The following SRRM2 variants were observed in gnomAD, a reference collection of about 807,000 sequenced individuals.
SRRM2 encodes serine/arginine repetitive matrix protein 2.
A neutral mutation model predicts 213.8 loss-of-function variants in SRRM2; 30 were observed. The observed-to-expected ratio is 0.14, with a 90% CI of 0.10 to 0.19. The LOEUF is 0.19. SRRM2 is among the 10% of genes least tolerant of loss of function. SRRM2 has a pLI of 1.00. For synonymous variants in SRRM2, 2,025 were observed against 1,377.7 expected (o/e 1.47, Z -10.40); for missense variants, 4,904 against 3,647.0 (o/e 1.34, Z -8.88).
At position 2,755,409 on chromosome 16, in the gene SRRM2, C is replaced by T. The variant is rs577908426; in HGVS notation, c.-31-925C>T. Among the ~76,000 whole-genome samples the T allele has an allele frequency of 1.0e-3, 153 of 152,126 alleles. 1 individual carries two copies. Among genetic ancestry groups the T allele is most frequent in the Non-Finnish European group, 4.1e-4 (28 of 68,010 alleles). The stretch of plus-strand genomic sequence containing the variant: ...TGAAAGTGGGGTGTAGAGAGGGTTT[C>T]TACATAGATTTAGGGCAAGGTATAT... On this transcript the variant is annotated intron_variant, in intron 1 of 14. Transcript: ENST00000301740.
chr16:2,760,519 A>G lies in SRRM2; in HGVS notation c.1032+20A>G, dbSNP rs775995067. 3.1e-6 allele frequency: 5 copies of G among 1,613,446 alleles called. No individual in the cohort carries two copies. The highest frequency in any genetic ancestry group is 2.7e-5 in the African/African-American group (2 of 74,918). On this transcript the variant is annotated intron_variant, in intron 10 of 14. Transcript: ENST00000301740. ...AAGGAGGTATGTTCCTGAGTTGGTG[A>G]TGTTCATTGGATTGCAAATGTATAG... is the stretch of plus-strand genomic sequence containing the variant.
At chr16:2,770,516 T>G (rs549489357) in intron 13 of SRRM2, 51 bp downstream of exon 13, 9 of 1,568,682 alleles carry the variant, frequency 5.7e-6, no homozygotes, top group East Asian at 2.4e-5. Flanking sequence ...CGCCACTGCT[T>G]TCTACAAAGA....
rs755430985 is a variant in SRRM2 at position 2,766,743 on chromosome 16, C to T, written c.6215C>T (p.Pro2072Leu). 3 of 1,614,246 alleles carry T rather than the reference C, an allele frequency of 1.9e-6. No individual in the cohort carries two copies. The highest frequency in any genetic ancestry group is 1.1e-5 in the South Asian group (1 of 91,082). Residue 2072 changes from proline (P) to leucine (L), a missense_variant, in exon 11 of 15, where the codon CCT becomes CTT. By Grantham distance (98) the Pro-to-Leu change is moderately conservative. Transcript: ENST00000301740. The surrounding 1 kb of genome is among the most constrained non-coding windows in gnomAD (Gnocchi z 7.0). ...GGTAAACGGTCCTTAACAAGATCTC[C>T]TCCAGCCATCCGCAGGCGTTCTGCA... ...ARGKRSLTRS[P>L]PAIRRRSASG...
chr16:2,763,081 G>A lies in SRRM2; in HGVS notation c.2553G>A (p.Arg851=). 6.2e-7 allele frequency: 1 copy of A among 1,614,084 alleles called. No homozygotes were observed. Among genetic ancestry groups the A allele is most frequent in the Non-Finnish European group, 8.5e-7 (1 of 1,180,018 alleles). The change falls in exon 11 of 15, where the codon AGG becomes AGA. Residue 851 remains arginine, a synonymous_variant. Transcript: ENST00000301740. Reference sequence around the variant, plus strand: ...AAGTGAAATCTGGAACACCACCGAGGCAAGGGTCCATAACAAGTCCCCAGG... The same window carrying A: ...AAGTGAAATCTGGAACACCACCGAGACAAGGGTCCATAACAAGTCCCCAGG... ...HPKVKSGTPP[R]QGSITSPQAN...
rs372984748 is a variant in SRRM2, at chr16:2,762,048, G to A, written c.1520G>A (p.Arg507Gln). The A allele has an allele frequency of 7.4e-6, 12 of 1,614,096 alleles. No individual in the cohort carries two copies. The African/African-American group carries it at 9.3e-5, about 13-fold the overall frequency. Reference protein sequence around the residue: ...SRTPTKRGHSRSRSPQWRRSR... With the variant: ...SRTPTKRGHSQSRSPQWRRSR... ...ACCCCTACCAAGAGAGGTCATTCTC[G>A]ATCCCGATCTCCCCAGTGGCGTAGG... The change falls in exon 11 of 15, where the codon CGA becomes CAA. Residue 507 changes from arginine to glutamine, a missense_variant. By Grantham distance (43) the Arg-to-Gln change is conservative. Coordinates refer to ENST00000301740, the MANE Select transcript of SRRM2 (RefSeq NM_016333.4).
chr16:2,755,369 A>G (rs755914674), intron 1 of SRRM2, among the ~76,000 whole-genome samples: 5 of 152,184 alleles, frequency 3.3e-5, no homozygotes, highest in South Asian at 2.1e-4. Flanking sequence ...GGGAAAGCCA[A>G]CGGTTGGACA....
At position 2,766,329 on chromosome 16, in the gene SRRM2, G is replaced by A. The variant is rs780832298; in HGVS notation, c.5801G>A (p.Arg1934His). 48 of 1,614,100 alleles carry A rather than the reference G, an allele frequency of 3.0e-5. No homozygotes were observed. The highest frequency in any genetic ancestry group is 1.8e-4 in the Admixed American group (11 of 60,022). Residue 1934 changes from arginine to histidine, a missense_variant, in exon 11 of 15, where the codon CGT (arginine) becomes CAT (histidine). Arg to His is a conservative substitution (Grantham distance 29). Transcript: ENST00000301740. The surrounding 1 kb of genome is among the most constrained non-coding windows in gnomAD (Gnocchi z 7.0). ...AGAACGCCACCAGTAACCCGCCGTC[G>A]TTCAAGGTCTAGAACGCCAACAACA... ...RSRTPPVTRRRSRSRTPTTRR... is the reference protein window; with the variant it reads ...RSRTPPVTRRHSRSRTPTTRR...
rs747162945 is a variant in SRRM2 at position 2,764,181 on chromosome 16, C to T, written c.3653C>T (p.Ser1218Leu). The change falls in exon 11 of 15, where the codon TCA (serine) becomes TTA (leucine). Residue 1218 changes from serine (S) to leucine (L), a missense_variant. Coordinates refer to ENST00000301740, the MANE Select transcript of SRRM2 (RefSeq NM_016333.4). Reference protein sequence around the residue: ...TPPRERSGAGSSPETKEQNSA... With the variant: ...TPPRERSGAGLSPETKEQNSA... ...CCAAGGGAAAGAAGTGGTGCTGGGT[C>T]ATCTCCAGAAACAAAAGAGCAAAAT... 9.9e-6 allele frequency: 16 copies of T among 1,614,078 alleles called. No individual in the cohort carries two copies. The highest frequency in any genetic ancestry group is 1.7e-5 in the Admixed American group (1 of 60,002).
chr16:2,762,467 T>A lies in SRRM2; in HGVS notation c.1939T>A (p.Ser647Thr). 6.2e-7 allele frequency: 1 copy of A among 1,609,366 alleles called. No homozygotes were observed. The highest frequency in any genetic ancestry group is 2.2e-5 in the East Asian group (1 of 44,524). ...SRSPARRSGR[S>T]RSRTPARRGR... The stretch of plus-strand genomic sequence containing the variant: ...ATCACCAGCCAGGAGAAGTGGCAGG[T>A]CACGCTCTAGAACCCCAGCTAGACG... Residue 647 changes from serine (S) to threonine (T), a missense_variant, in exon 11 of 15, where the codon TCA becomes ACA. Coordinates refer to ENST00000301740, the MANE Select transcript of SRRM2 (RefSeq NM_016333.4).
At chr16:2,754,117 C>G (rs548195463) in intron 1 of SRRM2, among the ~76,000 whole-genome samples, 1 of 152,136 alleles carries the variant, frequency 6.6e-6, no homozygotes, top group East Asian at 1.9e-4. Flanking sequence ...TTTGTAATAT[C>G]GTTTGGTTTG....
chr16:2,759,593 C>T lies in SRRM2; in HGVS notation c.765C>T (p.Pro255=). ...RKRSRSTTPA[P]KSRRAHRSTS... is the part of the protein sequence containing the mutation. ...GGTCTCGAAGTACAACACCAGCCCC[C>T]AAGAGCCGCCGGGCCCACCGTTCAA... Residue 255 remains proline, a synonymous_variant, in exon 9 of 15, where the codon CCC becomes CCT. Transcript: ENST00000301740. 4 of 1,614,094 alleles carry T rather than the reference C, an allele frequency of 2.5e-6. No individual in the cohort carries two copies. Among genetic ancestry groups the T allele is most frequent in the South Asian group, 1.1e-5 (1 of 91,076 alleles).
In SRRM2 at chr16:2,764,546, G is replaced by T. The variant is rs765484417; in HGVS notation, c.4018G>T (p.Gly1340Cys). The T allele has an allele frequency of 3.1e-6, 5 of 1,614,132 alleles. No homozygotes were observed. In the Middle Eastern group the frequency reaches 4.9e-4, roughly 160 times the overall value. Residue 1340 changes from glycine (G) to cysteine (C), a missense_variant, in exon 11 of 15, where the codon GGT (glycine) becomes TGT (cysteine). Gly to Cys is a radical substitution (Grantham distance 159). Transcript: ENST00000301740. ...AGAATTTAGAAACTCAGGCCCACTT[G>T]GTACAGAAATGAATACTGGATTTTC... ...PLEFRNSGPL[G>C]TEMNTGFSSE...
Position 2,754,295 on chromosome 16 carries a change from C to CTT in SRRM2, c.-32+1462_-32+1463dup, listed in dbSNP as rs559750275. On this transcript the variant is annotated intron_variant, in intron 1 of 14. Transcript: ENST00000301740. The stretch of plus-strand genomic sequence containing the variant: ...CTTTGCTTAGCACCTACTGGTTTTT[C>CTT]TTTTTTTTTTTTTTCCGAGACGGAG... 3.5e-5 allele frequency among the ~76,000 whole-genome samples: 5 copies of CTT among 143,212 alleles called. No individual in the cohort carries two copies. The East Asian group carries it at 6.1e-4, about 17-fold the overall frequency. The allele number at this position is 143,212 out of a possible 152,430, so 94.0% of individuals were successfully genotyped here.
chr16:2,760,255 T>C (rs761563988), intron 9 of SRRM2, 46 bp from the exon 10 acceptor site: 11 of 1,580,150 alleles, frequency 7.0e-6, no homozygotes, highest in Non-Finnish European at 7.7e-6. Context: ...GTTCTCCCTT[T>C]GAGCTGATTT....
chr16:2,760,442 G>T lies in SRRM2; in HGVS notation c.975G>T (p.Glu325Asp). 2 of 1,614,190 alleles carry T rather than the reference G, an allele frequency of 1.2e-6. No homozygotes were observed. The highest frequency in any genetic ancestry group is 1.7e-6 in the Non-Finnish European group (2 of 1,180,042). The change falls in exon 10 of 15, where the codon GAG (glutamate) becomes GAT (aspartate). Residue 325 changes from glutamate (E) to aspartate (D), a missense_variant. Transcript: ENST00000301740. ...TTSTQRPSSPETATKQPSSPY... is the reference protein window; with the variant it reads ...TTSTQRPSSPDTATKQPSSPY... ...GCACACAACGGCCTAGTAGCCCGGA[G>T]ACTGCTACGAAACAGCCTAGCAGCC...
chr16:2,766,358 C>G lies in SRRM2; in HGVS notation c.5830C>G (p.Arg1944Gly), dbSNP rs200196660. 6.2e-7 allele frequency: 1 copy of G among 1,614,156 alleles called. No homozygotes were observed. Among genetic ancestry groups the G allele is most frequent in the Admixed American group, 1.7e-5 (1 of 60,020 alleles). ...RSRSRTPTTR[R>G]RSRSRTPPVT... ...AAGGTCTAGAACGCCAACAACACGC[C>G]GCCGCTCCCGTTCTAGAACTCCACC... The change falls in exon 11 of 15, where the codon CGC (arginine) becomes GGC (glycine). Residue 1944 changes from arginine (R) to glycine (G), a missense_variant. Coordinates refer to ENST00000301740, the MANE Select transcript of SRRM2 (RefSeq NM_016333.4). This position sits in a 1 kb window ranked among gnomAD's most constrained non-coding sequence, Gnocchi z 7.0.
chr16:2,758,404 C>T (rs551419014), intron 4 of SRRM2, 66 bp from the exon 5 acceptor site: 35 of 1,366,574 alleles, frequency 2.6e-5, no homozygotes, highest in Non-Finnish European at 3.4e-5. Context: ...TAGACTCTGT[C>T]TTTTAAAGAA....
chr16:2,769,116 C>T lies in SRRM2; in HGVS notation c.7853C>T (p.Ser2618Phe). Residue 2618 changes from serine to phenylalanine, a missense_variant, in exon 12 of 15, where the codon TCT (serine) becomes TTT (phenylalanine). Coordinates refer to ENST00000301740, the MANE Select transcript of SRRM2 (RefSeq NM_016333.4). ...SSSSSSSSSS[S>F]SSSSSSSSSS... is the part of the protein sequence containing the mutation. Reference sequence around the variant, plus strand: ...TCCAGTTCCAGCTCCTCCTCTTCATCTTCCTCCTCCTCCTCCTCCTCCTCT... The same window carrying T: ...TCCAGTTCCAGCTCCTCCTCTTCATTTTCCTCCTCCTCCTCCTCCTCCTCT... 2 of 1,613,708 alleles carry T rather than the reference C, an allele frequency of 1.2e-6. No individual in the cohort carries two copies. The highest frequency in any genetic ancestry group is 2.2e-5 in the East Asian group (1 of 44,872).
Position 2,766,204 on chromosome 16 carries a change from T to G in SRRM2, c.5676T>G (p.Thr1892=). The stretch of plus-strand genomic sequence containing the variant: ...GCCGACGTAGGTCCAGATCTCGAAC[T>G]TCACCAGTCAGCCGGAGACGGTCAA... ...LISRRRSRSR[T]SPVSRRRSRS... is the part of the protein sequence containing the mutation. Residue 1892 remains threonine, a synonymous_variant, in exon 11 of 15, where the codon ACT becomes ACG. Transcript: ENST00000301740. This position sits in a 1 kb window ranked among gnomAD's most constrained non-coding sequence, Gnocchi z 7.0. The G allele has an allele frequency of 6.2e-7, 1 of 1,614,112 alleles. No individual in the cohort carries two copies. Among genetic ancestry groups the G allele is most frequent in the East Asian group, 2.2e-5 (1 of 44,870 alleles).
Sources: allele counts gnomAD v4.1 joint callset (sites outside exome capture counted in the v4.1 genomes callset), GRCh38; gene constraint gnomAD v4.1.1; non-coding constraint Gnocchi (gnomAD v3.1); transcripts MANE v1.5; gene names NCBI Gene and HGNC (gene_info 2026-07-23, HGNC 2026-07-21).